IYD: variants seen among roughly 807,000 people sequenced by gnomAD.
The protein encoded by IYD is iodotyrosine deiodinase.
Under a neutral mutation model 28.4 loss-of-function variants are expected in IYD, and 25 were observed. That is an observed-to-expected ratio of 0.88 (90% CI 0.64 to 1.23). The LOEUF (loss-of-function observed/expected upper bound fraction) is 1.23. Ranked by LOEUF, IYD falls within the 50% of genes most tolerant of loss-of-function variation. The pLI is 0.00. For synonymous variants in IYD, 140 were observed against 130.8 expected (o/e 1.07, Z -0.48); for missense variants, 352 against 357.9 (o/e 0.98, Z 0.13).
At chr6:150,388,023 C>T (rs1272904669) in intron 1 of IYD, among the ~76,000 whole-genome samples, 3 of 151,942 alleles carry the variant, frequency 2.0e-5, no homozygotes, top group Middle Eastern at 3.2e-3. Context: ...TGTTTCTTGT[C>T]CAATATGTTT....
At position 150,395,561 on chromosome 6, in the gene IYD, G is replaced by A. The variant is rs4479949; in HGVS notation, c.687+1306G>A. On this transcript the variant is annotated intron_variant, in intron 4 of 4. Transcript: ENST00000344419. The stretch of plus-strand genomic sequence containing the variant: ...TGCAGCAAGCTCAGCTCACAAGGCT[G>A]CCCAGGTGCCTCTGCAGCAGGCAGT... 113,277 of 1,536,792 alleles carry A rather than the reference G, an allele frequency of 0.074. 12,158 individuals are homozygous for A. Among genetic ancestry groups the A allele is most frequent in the African/African-American group, 0.43 (31,764 of 73,096 alleles).
intron 1 of IYD, among the ~76,000 whole-genome samples, chr6:150,386,556 G>A (rs1254574376): frequency 6.6e-6 from 1 of 151,786 alleles, no homozygotes; most frequent in South Asian, 2.1e-4. Context: ...CAATTACCTT[G>A]TTAAAATCTT....
rs612421 is a variant in IYD, at chr6:150,395,560, T to C, written c.687+1305T>C. 1,394,024 of 1,537,026 alleles carry C rather than the reference T, an allele frequency of 0.91. 633,605 individuals carry two copies. The highest frequency in any genetic ancestry group is 0.96 in the African/African-American group (70,163 of 73,150). On this transcript the variant is annotated intron_variant, in intron 4 of 4. Coordinates refer to ENST00000344419, the MANE Select transcript of IYD (RefSeq NM_203395.3). ...CTGCAGCAAGCTCAGCTCACAAGGC[T>C]GCCCAGGTGCCTCTGCAGCAGGCAG...
At position 150,404,104 on chromosome 6, in the gene IYD, A is replaced by G. The variant is rs1019845278; in HGVS notation, c.*5867A>G. 1 of 152,174 alleles carries G rather than the reference A, an allele frequency of 6.6e-6. No homozygotes were observed. The highest frequency in any genetic ancestry group is 2.1e-4 in the South Asian group (1 of 4,822). The allele number at this position is 152,174 out of a possible 1,614,324, so 9.4% of individuals were successfully genotyped here. A position where few individuals can be genotyped will look rare whatever the true frequency, so the allele number is the denominator to read the frequency against. On this transcript the variant is annotated 3_prime_UTR_variant, in exon 5 of 5. Coordinates refer to ENST00000344419, the MANE Select transcript of IYD (RefSeq NM_203395.3). Reference sequence around the variant, plus strand: ...CTGGAGTACTGTCTTATGACCAGAGATCCTAAGCAACCTCTGCTCATCTGA... The same window carrying G: ...CTGGAGTACTGTCTTATGACCAGAGGTCCTAAGCAACCTCTGCTCATCTGA...
At position 150,404,429 on chromosome 6, in the gene IYD, G is replaced by C. The variant is rs1354104504; in HGVS notation, c.*6192G>C. On this transcript the variant is annotated 3_prime_UTR_variant, in exon 5 of 5. Coordinates refer to ENST00000344419, the MANE Select transcript of IYD (RefSeq NM_203395.3). ...GAATATTTAACTTAGCTCATGAAAA[G>C]TATTAGACTAGATTTACTATAAGTT... 6.6e-6 allele frequency: 1 copy of C among 152,256 alleles called. No homozygotes were observed. Among genetic ancestry groups the C allele is most frequent in the East Asian group, 1.9e-4 (1 of 5,184 alleles). The allele number at this position is 152,256 out of a possible 1,614,324, so 9.4% of individuals were successfully genotyped here.
At chr6:150,378,328 G>A (rs919063261) in intron 1 of IYD, among the ~76,000 whole-genome samples, 9 of 146,980 alleles carry the variant, frequency 6.1e-5, no homozygotes, top group Admixed American at 1.3e-4. Flanking sequence ...ATCCCTCCCC[G>A]CTCCCCCCAC....
At chr6:150,371,221 ATG>A (rs1396445753) in intron 1 of IYD, among the ~76,000 whole-genome samples, 1 of 152,222 alleles carries the variant, frequency 6.6e-6, no homozygotes, top group Non-Finnish European at 1.5e-5. Context: ...GCCACATATT[ATG>A]TGTAGTAAAT....
At chr6:150,372,448 TGGG>T (rs1777289893) in intron 1 of IYD, among the ~76,000 whole-genome samples, 8 of 37,904 alleles carry the variant, frequency 2.1e-4, no homozygotes, top group Non-Finnish European at 6.1e-4. Flanking sequence ...TGTGTGTGGG[TGGG>T]GTGGGGGGTG....
At chr6:150,372,419 C>A (rs1276001786) in intron 1 of IYD, among the ~76,000 whole-genome samples, 1 of 71,930 alleles carries the variant, frequency 1.4e-5, no homozygotes, top group Non-Finnish European at 3.0e-5. Flanking sequence ...ATGTTGTGTC[C>A]ATGCTTATTA....
chr6:150,398,296 C>T lies in IYD; in HGVS notation c.*59C>T, dbSNP rs1399007228. The T allele has an allele frequency of 1.6e-5, 24 of 1,536,668 alleles. No homozygotes were observed. Among genetic ancestry groups the T allele is most frequent in the East Asian group, 9.0e-5 (4 of 44,452 alleles). ...CGCCCCTGCTTTTCCCTGAGCCTCTCGCCTGCTCCTCTTGGGTCTCTTGGC... is the reference window on the plus strand; with the variant it reads ...CGCCCCTGCTTTTCCCTGAGCCTCTTGCCTGCTCCTCTTGGGTCTCTTGGC... On this transcript the variant is annotated 3_prime_UTR_variant, in exon 5 of 5. Transcript: ENST00000344419.
rs1323361336 is a variant in IYD at position 150,394,223 on chromosome 6, A to G, written c.655A>G (p.Ile219Val). ...CTACTACAATGAGATCAGTGTTTCC[A>G]TCGCTTGTGGCATCCTGCTAGCTGC... ...VHYYNEISVSIACGILLAALQ... is the reference protein window; with the variant it reads ...VHYYNEISVSVACGILLAALQ... The change falls in exon 4 of 5, where the codon ATC becomes GTC. Residue 219 changes from isoleucine to valine, a missense_variant. Coordinates refer to ENST00000344419, the MANE Select transcript of IYD (RefSeq NM_203395.3). 2.5e-6 allele frequency: 4 copies of G among 1,614,206 alleles called. No homozygotes were observed. The highest frequency in any genetic ancestry group is 2.2e-5 in the South Asian group (2 of 91,082).
chr6:150,370,771 T>C (rs1167058738), intron 1 of IYD: 1 of 562,912 alleles, frequency 1.8e-6, no homozygotes, highest in Non-Finnish European at 2.3e-6. Flanking sequence ...CAGGGTTTGC[T>C]AGTAAATTGG....
At chr6:150,378,117 G>A (rs1777515060) in intron 1 of IYD, among the ~76,000 whole-genome samples, 1 of 152,064 alleles carries the variant, frequency 6.6e-6, no homozygotes, top group African/African-American at 2.4e-5. Flanking sequence ...CCTGGAGAAT[G>A]GCCAAGTCCC....
At chr6:150,370,006 G>C (rs1275069469) in intron 1 of IYD, 2 of 701,902 alleles carry the variant, frequency 2.8e-6, no homozygotes, top group South Asian at 3.0e-5. Flanking sequence ...GGTGATGAAG[G>C]AGGCAGGTAG....
rs1777991325 is a variant in IYD, at chr6:150,388,676, T to TTTCTTTCC, written c.179-669_179-668insCTTCTTTC. Among the ~76,000 whole-genome samples the TTTCTTTCC allele has an allele frequency of 2.7e-5, 4 of 145,470 alleles. No individual in the cohort carries two copies. In the Admixed American group the frequency reaches 2.8e-4, roughly 10 times the overall value. On this transcript the variant is annotated intron_variant, in intron 1 of 4. Transcript: ENST00000344419. ...CTTTCTTTCTTTCTTTCTTTCTTTC[T>TTTCTTTCC]TTCTTTCTTCTTTCCTTCCTTCCTT...
In IYD at chr6:150,398,331, T is replaced by C. The variant is rs544907783; in HGVS notation, c.*94T>C. The C allele has an allele frequency of 7.0e-6, 9 of 1,278,382 alleles. No homozygotes were observed. In the African/African-American group the frequency reaches 1.3e-4, roughly 19 times the overall value. The allele number at this position is 1,278,382 out of a possible 1,614,324, so 79.2% of individuals were successfully genotyped here. On this transcript the variant is annotated 3_prime_UTR_variant, in exon 5 of 5. Transcript: ENST00000344419. ...TCTTGGGTCTCTTGGCTGCTCTTTC[T>C]CCAGGTGTCAGGTCCCCTCATTGCT...
intron 1 of IYD, chr6:150,370,581 T>C (rs975988742): frequency 1.0e-5 from 10 of 985,224 alleles, no homozygotes; most frequent in Admixed American, 1.2e-4. Flanking sequence ...CTCTCCTACA[T>C]TGAAACCTCT....
chr6:150,370,907 C>A (rs756656303), intron 1 of IYD, among the ~76,000 whole-genome samples: 1 of 152,084 alleles, frequency 6.6e-6, no homozygotes, highest in African/African-American at 2.4e-5. Flanking sequence ...TGATTTCAGA[C>A]GACAGTGACA....
At position 150,398,611 on chromosome 6, in the gene IYD, T is replaced by G. The variant is rs1356926802; in HGVS notation, c.*374T>G. On this transcript the variant is annotated 3_prime_UTR_variant, in exon 5 of 5. Transcript: ENST00000344419. ...AATTCAGCTACATGATGACTCGAAT[T>G]TAAATTTAGATTAATCAAATGGTCT... 2 of 181,230 alleles carry G rather than the reference T, an allele frequency of 1.1e-5. No homozygotes were observed. Among genetic ancestry groups the G allele is most frequent in the Non-Finnish European group, 2.3e-5 (2 of 86,184 alleles). The allele number at this position is 181,230 out of a possible 1,614,324, so 11.2% of individuals were successfully genotyped here.
Sources: gnomAD v4.1 joint callset for allele counts (sites outside exome capture counted in the v4.1 genomes callset) on GRCh38, gnomAD v4.1.1 for gene constraint, MANE v1.5 for transcripts, NCBI Gene and HGNC (gene_info 2026-07-23, HGNC 2026-07-21) for gene names.